The following TRAPPC9 variants were observed in gnomAD, a reference collection of about 807,000 sequenced individuals.
TRAPPC9 encodes IKK2 binding protein.
TRAPPC9 carries 83 observed loss-of-function variants against 124.0 expected under a neutral mutation model. That is an observed-to-expected ratio of 0.67 (90% confidence interval 0.56 to 0.80). The LOEUF (loss-of-function observed/expected upper bound fraction) is 0.80, where lower values mean the gene tolerates loss of function less well. Among genes scored for constraint, TRAPPC9 ranks in the 30% least tolerant of loss-of-function variants. The pLI is 0.00. For synonymous variants in TRAPPC9, 638 were observed against 617.5 expected, an observed-to-expected ratio of 1.03 and a Z score of -0.49; for missense variants, 1,302 against 1,508.3, an observed-to-expected ratio of 0.86 and a Z score of 2.27.
intron 20 of TRAPPC9, among the ~76,000 whole-genome samples, chr8:139,899,669 C>G (rs1830901476): frequency 6.6e-6 from 1 of 152,198 alleles, no homozygotes; most frequent in African/African-American, 2.4e-5. Context: ...ATCCCATCTT[C>G]CTTCTCTGCA....
At chr8:140,425,690 C>T (rs1302185485) in intron 5 of TRAPPC9, among the ~76,000 whole-genome samples, 1 of 152,146 alleles carries the variant, frequency 6.6e-6, no homozygotes, top group African/African-American at 2.4e-5. Context: ...TGGTCAAATA[C>T]CAGTACATTC....
At chr8:140,370,915 C>T (rs755550717) in intron 8 of TRAPPC9, 49 bp downstream of exon 8, 2 of 1,601,544 alleles carry the variant, frequency 1.2e-6, no homozygotes, top group Non-Finnish European at 1.7e-6. Flanking sequence ...CAGCATGTGA[C>T]CATCAGACAG....
intron 8 of TRAPPC9, among the ~76,000 whole-genome samples, chr8:140,365,253 C>T (rs2068075064): frequency 6.6e-6 from 1 of 152,060 alleles, no homozygotes; most frequent in South Asian, 2.1e-4. Flanking sequence ...AGAAAGTGGG[C>T]ACACAGGACT....
chr8:140,355,001 A>C (rs1216781286), intron 9 of TRAPPC9, among the ~76,000 whole-genome samples: 1 of 152,270 alleles, frequency 6.6e-6, no homozygotes, highest in Non-Finnish European at 1.5e-5. Flanking sequence ...TTATTTGTTC[A>C]ACAGTATCAA....
intron 2 of TRAPPC9, among the ~76,000 whole-genome samples, chr8:140,449,925 C>T (rs1451357158): frequency 2.6e-5 from 4 of 152,118 alleles, no homozygotes; most frequent in Admixed American, 1.3e-4. Flanking sequence ...ATGCAAGCCA[C>T]GTAAGTACAT....
At chr8:139,851,172 A>G (rs1458403683) in intron 21 of TRAPPC9, among the ~76,000 whole-genome samples, 3 of 152,228 alleles carry the variant, frequency 2.0e-5, no homozygotes. Context: ...AGACAGCGAT[A>G]TGAACCACTG....
intron 21 of TRAPPC9, among the ~76,000 whole-genome samples, chr8:139,837,967 G>A (rs1051507678): frequency 6.6e-6 from 1 of 152,170 alleles, no homozygotes; most frequent in African/African-American, 2.4e-5. Context: ...TTCTGGCCCA[G>A]GCTGCAGGCT....
At chr8:139,891,627 TGCTCCCCGCTGGG>T (rs1447882045) in intron 20 of TRAPPC9, among the ~76,000 whole-genome samples, 3 of 152,234 alleles carry the variant, frequency 2.0e-5, no homozygotes, top group Non-Finnish European at 4.4e-5. Flanking sequence ...GGCTGCACCC[TGCTCCCCGCTGGG>T]GCTCCCTGAA....
chr8:140,256,852 A>G (rs1334951879), intron 15 of TRAPPC9, among the ~76,000 whole-genome samples: 2 of 152,158 alleles, frequency 1.3e-5, no homozygotes, highest in South Asian at 2.1e-4. Context: ...GGTTTAAAAC[A>G]TATAGAGTAC....
At chr8:140,010,636 G>C (rs1334967802) in intron 18 of TRAPPC9, among the ~76,000 whole-genome samples, 1 of 152,140 alleles carries the variant, frequency 6.6e-6, no homozygotes, top group Non-Finnish European at 1.5e-5. Flanking sequence ...TACACAGTGA[G>C]ATATTTCACA....
chr8:140,006,699 G>A (rs995626587), intron 18 of TRAPPC9, among the ~76,000 whole-genome samples: 2 of 152,186 alleles, frequency 1.3e-5, no homozygotes, highest in Non-Finnish European at 2.9e-5. Flanking sequence ...GTTGAATCTT[G>A]AAAACAACAC....
Position 140,365,827 on chromosome 8 carries a change from C to T in TRAPPC9, c.1351+5137G>A, listed in dbSNP as rs189630420. ...TACAAGTGAAGGTTACACTGGTAAA[C>T]GTGTTTCATAGGGGTTTATTGTACA... is the stretch of plus-strand genomic sequence containing the variant. On this transcript the variant is annotated intron_variant, in intron 8 of 22. Transcript: ENST00000438773. Among the ~76,000 whole-genome samples, 154 of 152,290 alleles carry T rather than the reference C, an allele frequency of 1.0e-3. 1 individual carries two copies. The Middle Eastern group carries it at 0.017, about 17-fold the overall frequency.
intron 17 of TRAPPC9, among the ~76,000 whole-genome samples, chr8:140,168,742 G>A (rs1430801657): frequency 6.6e-6 from 1 of 152,198 alleles, no homozygotes; most frequent in Non-Finnish European, 1.5e-5. Context: ...AGGGGAACAG[G>A]CCTGGGGCCA....
chr8:139,834,078 G>A (rs1004835181), intron 21 of TRAPPC9, among the ~76,000 whole-genome samples: 1 of 152,206 alleles, frequency 6.6e-6, no homozygotes, highest in Admixed American at 6.5e-5. Context: ...CCTCTGGAAC[G>A]AAGCAGGGTG....
intron 17 of TRAPPC9, among the ~76,000 whole-genome samples, chr8:140,093,540 T>C (rs1460023879): frequency 6.6e-6 from 1 of 152,084 alleles, no homozygotes; most frequent in Non-Finnish European, 1.5e-5. Context: ...TGATGGCGTG[T>C]GCCTGTAATC....
chr8:140,434,960 ACT>A lies in TRAPPC9; in HGVS notation c.859+150_859+151del, dbSNP rs1404174500. The stretch of plus-strand genomic sequence containing the variant: ...ACTCCAGCCCGGGCAACAGTGCAAG[ACT>A]CTGTCTCAAAAAAAAAAAAAAATTA... On this transcript the variant is annotated intron_variant, in intron 4 of 22. Coordinates refer to ENST00000438773, the MANE Select transcript of TRAPPC9 (RefSeq NM_001160372.4). The A allele has an allele frequency of 1.0e-5, 13 of 1,280,452 alleles. No homozygotes were observed. The Admixed American group carries it at 2.4e-4, about 23-fold the overall frequency. 79.3% of individuals were successfully genotyped at this position (1,280,452 alleles called of 1,614,324 possible). A position where few individuals can be genotyped will look rare whatever the true frequency, so the allele number is the denominator to read the frequency against.
chr8:139,842,087 C>A (rs1375417832), intron 21 of TRAPPC9, among the ~76,000 whole-genome samples: 3 of 152,208 alleles, frequency 2.0e-5, no homozygotes, highest in Non-Finnish European at 2.9e-5. Context: ...GTCCATGAGG[C>A]CCTTGCATTA....
At chr8:139,958,454 C>T (rs1563951838) in intron 19 of TRAPPC9, among the ~76,000 whole-genome samples, 2 of 152,354 alleles carry the variant, frequency 1.3e-5, no homozygotes, top group East Asian at 3.9e-4. Flanking sequence ...GCCCCCACCC[C>T]CGGCTCTGCA....
chr8:140,363,094 A>G (rs1425132355), intron 8 of TRAPPC9, among the ~76,000 whole-genome samples: 1 of 152,250 alleles, frequency 6.6e-6, no homozygotes, highest in East Asian at 1.9e-4. Context: ...TTTATTTTGT[A>G]TATGAACTAT....
Sources: allele counts gnomAD v4.1 joint callset (sites outside exome capture counted in the v4.1 genomes callset), GRCh38; gene constraint gnomAD v4.1.1; transcripts MANE v1.5; gene names NCBI Gene and HGNC (gene_info 2026-07-23, HGNC 2026-07-21).